NRXN3: variants seen among roughly 807,000 people sequenced by gnomAD.
NRXN3 encodes neurexin 3.
NRXN3 carries 32 observed loss-of-function variants against 137.6 expected under a neutral mutation model. That is an observed-to-expected ratio of 0.23 (90% confidence interval 0.18 to 0.31). The LOEUF is 0.31. Ranked by LOEUF, NRXN3 falls within the 10% of genes least tolerant of loss-of-function variation. The probability of loss-of-function intolerance (pLI) is 1.00; values close to 1 mark genes in which losing one functional copy is unlikely to be tolerated. For synonymous variants in NRXN3, 798 were observed against 784.5 expected (o/e 1.02, Z -0.29); for missense variants, 1,574 against 2,062.5 (o/e 0.76, Z 4.59).
At chr14:79,735,494 A>G (rs887149658) in intron 19 of NRXN3, among the ~76,000 whole-genome samples, 3 of 152,182 alleles carry the variant, frequency 2.0e-5, no homozygotes, top group Non-Finnish European at 4.4e-5. Context: ...GAAAAATTTT[A>G]GGAGGATTTG....
chr14:79,463,815 A>T (rs1477547372), intron 15 of NRXN3, among the ~76,000 whole-genome samples: 1 of 152,168 alleles, frequency 6.6e-6, no homozygotes, highest in Non-Finnish European at 1.5e-5. Flanking sequence ...GGGAGAAAGC[A>T]TGTAATGTGG....
chr14:78,891,839 T>C (rs1368041957), intron 10 of NRXN3, among the ~76,000 whole-genome samples: 3 of 152,032 alleles, frequency 2.0e-5, no homozygotes, highest in Non-Finnish European at 1.5e-5. Context: ...AATATGAATG[T>C]ATATACACAA....
At chr14:79,223,725 G>A (rs960709663) in intron 15 of NRXN3, among the ~76,000 whole-genome samples, 8 of 152,062 alleles carry the variant, frequency 5.3e-5, no homozygotes, top group Admixed American at 4.6e-4. Flanking sequence ...ACATTTTTTA[G>A]CACTTTGCTC....
intron 4 of NRXN3, among the ~76,000 whole-genome samples, chr14:78,564,170 T>A (rs1381674573): frequency 6.6e-6 from 1 of 152,188 alleles, no homozygotes; most frequent in Non-Finnish European, 1.5e-5. Context: ...ATAATAATAA[T>A]AAAGCACAAT....
intron 4 of NRXN3, among the ~76,000 whole-genome samples, chr14:78,338,210 C>T (rs1316469420): frequency 6.6e-6 from 1 of 152,134 alleles, no homozygotes; most frequent in African/African-American, 2.4e-5. Flanking sequence ...AAAGCAACAC[C>T]ATCTGACATG....
intron 15 of NRXN3, among the ~76,000 whole-genome samples, chr14:79,064,093 T>G (rs1450851132): frequency 6.6e-6 from 1 of 152,200 alleles, no homozygotes; most frequent in Non-Finnish European, 1.5e-5. Flanking sequence ...TGTGTTTGTA[T>G]CAGCTCTTGA....
chr14:78,377,980 GT>G (rs1174456185), intron 4 of NRXN3, among the ~76,000 whole-genome samples: 10 of 152,036 alleles, frequency 6.6e-5, no homozygotes, highest in African/African-American at 2.4e-4. Context: ...TTTTTTGCAG[GT>G]GTCCATAGAA....
rs117839022 is a variant in NRXN3, at chr14:78,781,284, C to T, written c.2045-22336C>T. ...AACATGCATGGACATGACGAATGTC[C>T]CTTTTAGAAAGAAGAAAGTGGGACT... On this transcript the variant is annotated intron_variant, in intron 8 of 20. Transcript: ENST00000335750. 1.2e-4 allele frequency among the ~76,000 whole-genome samples: 18 copies of T among 151,982 alleles called. No individual in the cohort carries two copies. In the East Asian group the frequency reaches 3.5e-3, roughly 29 times the overall value.
intron 4 of NRXN3, among the ~76,000 whole-genome samples, chr14:78,456,799 C>CTCTCTCTCTCTTTCTT: frequency 1.0e-5 from 1 of 97,690 alleles, no homozygotes; most frequent in South Asian, 4.3e-4. Context: ...CTCTCTTTCT[C>CTCTCTCTCTCTTTCTT]TCTTTCTTTC....
At chr14:79,241,618 C>G (rs763157107) in intron 15 of NRXN3, among the ~76,000 whole-genome samples, 1 of 152,062 alleles carries the variant, frequency 6.6e-6, no homozygotes, top group Non-Finnish European at 1.5e-5. Flanking sequence ...TATTACAATT[C>G]AAGGTGAGAT....
chr14:78,952,431 T>C (rs1567803025), intron 10 of NRXN3, among the ~76,000 whole-genome samples: 1 of 152,188 alleles, frequency 6.6e-6, no homozygotes, highest in Non-Finnish European at 1.5e-5. Flanking sequence ...CCTGTTCTTT[T>C]TCCTTATCAT....
At chr14:79,532,425 G>C (rs2097178139) in intron 16 of NRXN3, among the ~76,000 whole-genome samples, 1 of 152,106 alleles carries the variant, frequency 6.6e-6, no homozygotes, top group Non-Finnish European at 1.5e-5. Flanking sequence ...CCCCATAGTT[G>C]GACCTTCACA....
chr14:79,358,801 C>G (rs2093580566), intron 15 of NRXN3, among the ~76,000 whole-genome samples: 1 of 152,068 alleles, frequency 6.6e-6, no homozygotes, highest in South Asian at 2.1e-4. Context: ...CCGTCACATC[C>G]TTAGAAAGGC....
intron 15 of NRXN3, among the ~76,000 whole-genome samples, chr14:79,305,595 A>T (rs1478695732): frequency 1.3e-5 from 2 of 152,106 alleles, no homozygotes; most frequent in Admixed American, 1.3e-4. Flanking sequence ...TACACTCAGG[A>T]CAGAATGAGG....
intron 15 of NRXN3, among the ~76,000 whole-genome samples, chr14:79,232,172 G>A (rs2072333398): frequency 1.3e-5 from 2 of 152,122 alleles, no homozygotes; most frequent in South Asian, 4.1e-4. Context: ...TTGTCTGGCT[G>A]TGGCTGTGAA....
chr14:78,531,722 A>C (rs74930650), intron 4 of NRXN3, among the ~76,000 whole-genome samples: 7 of 152,126 alleles, frequency 4.6e-5, no homozygotes, highest in African/African-American at 1.7e-4. Flanking sequence ...GTGATAGATA[A>C]AGATGTAGCC....
chr14:78,644,909 C>T (rs1413575218), intron 4 of NRXN3, among the ~76,000 whole-genome samples: 1 of 152,216 alleles, frequency 6.6e-6, no homozygotes, highest in Non-Finnish European at 1.5e-5. Context: ...CTTCTACCCT[C>T]GTGTGGACAC....
chr14:78,742,081 T>G (rs1214181971), intron 8 of NRXN3, among the ~76,000 whole-genome samples: 1 of 152,176 alleles, frequency 6.6e-6, no homozygotes, highest in Non-Finnish European at 1.5e-5. Flanking sequence ...GCTAATTGTT[T>G]CCTCGCATTA....
intron 4 of NRXN3, among the ~76,000 whole-genome samples, chr14:78,536,444 T>C (rs2096536145): frequency 6.6e-6 from 1 of 152,180 alleles, no homozygotes; most frequent in South Asian, 2.1e-4. Context: ...GCTACTCTAG[T>C]AAGCCAGCCC....
Sources: allele counts gnomAD v4.1 joint callset (sites outside exome capture counted in the v4.1 genomes callset), GRCh38; gene constraint gnomAD v4.1.1; transcripts MANE v1.5; gene names NCBI Gene and HGNC (gene_info 2026-07-23, HGNC 2026-07-21).